Variants in PCDHGA10 observed in about 807,000 individuals in gnomAD.
PCDHGA10 encodes protocadherin gamma-A10.
Under a neutral mutation model 59.5 loss-of-function variants are expected in PCDHGA10, and 42 were observed. The observed-to-expected ratio is 0.71, with a 90% confidence interval of 0.55 to 0.91. The LOEUF (loss-of-function observed/expected upper bound fraction) is 0.91. Ranked by LOEUF, PCDHGA10 falls within the 40% of genes least tolerant of loss-of-function variation. The probability of loss-of-function intolerance (pLI) is 0.00; values close to 1 mark genes in which losing one functional copy is unlikely to be tolerated. For synonymous variants in PCDHGA10, 511 were observed against 517.2 expected, an observed-to-expected ratio of 0.99 and a Z score of 0.16; for missense variants, 1,111 against 1,198.2, an observed-to-expected ratio of 0.93 and a Z score of 1.07.
In PCDHGA10 at chr5:141,487,605, A is replaced by G. The variant is rs202066746; in HGVS notation, c.2437-7202A>G. Reference sequence around the variant, plus strand: ...AGCTGCCCACCCTCTGATCTTCTCTATGGGCTAGAGGTGAGACCTTTGCAG... The same window carrying G: ...AGCTGCCCACCCTCTGATCTTCTCTGTGGGCTAGAGGTGAGACCTTTGCAG... On this transcript the variant is annotated intron_variant, in intron 1 of 3. Transcript: ENST00000398610. The surrounding 1 kb of genome is among the most constrained non-coding windows in gnomAD (Gnocchi z 5.0). 8.7e-6 allele frequency: 14 copies of G among 1,614,008 alleles called. No individual in the cohort carries two copies. In the South Asian group the frequency reaches 8.8e-5, roughly 10 times the overall value.
chr5:141,422,131 G>T (rs747294750), intron 1 of PCDHGA10: 3 of 1,598,182 alleles, frequency 1.9e-6, no homozygotes, highest in Non-Finnish European at 2.6e-6. Context: ...AACTGGAGAA[G>T]TTCAAGTACG....
At chr5:141,418,829 C>T in intron 1 of PCDHGA10, 1 of 1,613,856 alleles carries the variant, frequency 6.2e-7, no homozygotes, top group Non-Finnish European at 8.5e-7. Flanking sequence ...AGCAAAAGAC[C>T]GAGGATCTCT....
chr5:141,460,686 C>A (rs2098995566), intron 1 of PCDHGA10, among the ~76,000 whole-genome samples: 1 of 151,698 alleles, frequency 6.6e-6, no homozygotes, highest in Admixed American at 6.6e-5. Context: ...TCTATATATC[C>A]ACCAACAGTT....
chr5:141,485,563 C>A lies in PCDHGA10; in HGVS notation c.2437-9244C>A. 2 of 1,612,904 alleles carry A rather than the reference C, an allele frequency of 1.2e-6. No individual in the cohort carries two copies. The highest frequency in any genetic ancestry group is 1.7e-6 in the Non-Finnish European group (2 of 1,179,034). ...AGATCGTAGATGTGAATGATCACGC[C>A]CCCCGTTTTCCGCGGCAGCAGCTGG... On this transcript the variant is annotated intron_variant, in intron 1 of 3. Coordinates refer to ENST00000398610, the MANE Select transcript of PCDHGA10 (RefSeq NM_018913.3). This position sits in a 1 kb window ranked among gnomAD's most constrained non-coding sequence, Gnocchi z 5.7.
intron 1 of PCDHGA10, chr5:141,418,003 G>T (rs1441842557): frequency 6.2e-7 from 1 of 1,613,798 alleles, no homozygotes; most frequent in Non-Finnish European, 8.5e-7. Context: ...CGGTGGTGGG[G>T]AACCTCGCTA....
intron 1 of PCDHGA10, among the ~76,000 whole-genome samples, chr5:141,488,738 A>G (rs1462948813): frequency 1.3e-5 from 2 of 152,222 alleles, no homozygotes; most frequent in Non-Finnish European, 2.9e-5. Context: ...TTCTGAAGTC[A>G]TGCAGGAAGT....
At chr5:141,417,718 G>T in intron 1 of PCDHGA10, 1 of 1,304,720 alleles carries the variant, frequency 7.7e-7, no homozygotes. Context: ...GCTCCCGGCT[G>T]CGCAGACCTT....
At chr5:141,472,017 T>C (rs2154571143) in intron 1 of PCDHGA10, among the ~76,000 whole-genome samples, 1 of 152,290 alleles carries the variant, frequency 6.6e-6, no homozygotes, top group South Asian at 2.1e-4. Context: ...GGGCACTATA[T>C]TGTATGTAGA....
intron 1 of PCDHGA10, among the ~76,000 whole-genome samples, chr5:141,484,319 C>T (rs1191113560): frequency 6.6e-6 from 1 of 152,212 alleles, no homozygotes; most frequent in Non-Finnish European, 1.5e-5. Context: ...CGCTTCCATA[C>T]TGTCCTTGAA....
chr5:141,428,120 C>G (rs756805763), intron 1 of PCDHGA10: 2 of 1,606,528 alleles, frequency 1.2e-6, no homozygotes, highest in South Asian at 1.1e-5. Context: ...CCATCGAGCC[C>G]GGGCTTTTCA....
At position 141,421,448 on chromosome 5, in the gene PCDHGA10, A is replaced by G. The variant is rs772957069; in HGVS notation, c.2436+5837A>G. On this transcript the variant is annotated intron_variant, in intron 1 of 3. Coordinates refer to ENST00000398610, the MANE Select transcript of PCDHGA10 (RefSeq NM_018913.3). ...CGCATCGTCTCCAGAGGGAAGACAC[A>G]GCTTTTCGCTGTGAATCCGCGAAGC... The G allele has an allele frequency of 7.8e-5, 126 of 1,614,014 alleles. No individual in the cohort carries two copies. The highest frequency in any genetic ancestry group is 1.0e-4 in the Non-Finnish European group (119 of 1,179,944).
intron 1 of PCDHGA10, among the ~76,000 whole-genome samples, chr5:141,469,914 C>T (rs1451982311): frequency 6.6e-6 from 1 of 152,082 alleles, no homozygotes. Flanking sequence ...GCAGACCACC[C>T]GAGGTCAGGA....
chr5:141,421,174 C>T (rs2096550677), intron 1 of PCDHGA10: 2 of 1,378,742 alleles, frequency 1.5e-6, no homozygotes, highest in Non-Finnish European at 1.9e-6. Flanking sequence ...ATACATAAGC[C>T]GATTCACAAC....
intron 2 of PCDHGA10, among the ~76,000 whole-genome samples, chr5:141,503,614 A>G (rs1595875970): frequency 6.6e-6 from 1 of 151,640 alleles, no homozygotes; most frequent in South Asian, 2.1e-4. Flanking sequence ...AAAAAAAAAA[A>G]GAAAAAAGAA....
intron 1 of PCDHGA10, chr5:141,419,303 G>A (rs1561779463): frequency 1.2e-6 from 2 of 1,613,970 alleles, no homozygotes; most frequent in Non-Finnish European, 1.7e-6. Flanking sequence ...CCCAGACTTC[G>A]GGCTCAACGG....
chr5:141,433,033 C>A, intron 1 of PCDHGA10: 2 of 1,614,164 alleles, frequency 1.2e-6, no homozygotes, highest in Non-Finnish European at 1.7e-6. Flanking sequence ...ACGAGGTTTC[C>A]CTCACCACGG....
At chr5:141,468,774 G>A (rs1229480462) in intron 1 of PCDHGA10, among the ~76,000 whole-genome samples, 4 of 152,028 alleles carry the variant, frequency 2.6e-5, no homozygotes, top group Non-Finnish European at 4.4e-5. Flanking sequence ...GCTGAGGCAG[G>A]AGAATGGCGT....
intron 1 of PCDHGA10, chr5:141,421,044 C>CGCCT (rs891153203): frequency 6.4e-5 from 35 of 548,614 alleles, no homozygotes; most frequent in African/African-American, 6.0e-4. Context: ...CTCCCTCCCC[C>CGCCT]GCCTCTACCA....
At chr5:141,428,146 C>T (rs549173211) in intron 1 of PCDHGA10, 15 of 1,589,346 alleles carry the variant, frequency 9.4e-6, no homozygotes, top group East Asian at 2.2e-5. Context: ...GGGCTGCACA[C>T]GGGAACCTGC....
Sources: allele counts gnomAD v4.1 joint callset (sites outside exome capture counted in the v4.1 genomes callset), GRCh38; gene constraint gnomAD v4.1.1; non-coding constraint Gnocchi (gnomAD v3.1); transcripts MANE v1.5; gene names NCBI Gene and HGNC (gene_info 2026-07-23, HGNC 2026-07-21).